SYT12: variants seen among roughly 807,000 people sequenced by gnomAD.
The protein encoded by SYT12 is synaptotagmin-12.
SYT12 carries 27 observed loss-of-function variants against 39.5 expected under a neutral mutation model. That is an observed-to-expected ratio of 0.68 (90% CI 0.50 to 0.94). The LOEUF is 0.94. SYT12 is among the 40% of genes least tolerant of loss of function. The pLI is 0.00. For missense variants in SYT12, 536 were observed against 572.6 expected (o/e 0.94, Z 0.65); for synonymous variants, 233 against 239.7 (o/e 0.97, Z 0.26).
intron 4 of SYT12, among the ~76,000 whole-genome samples, chr11:67,043,367 C>T (rs1231243741): frequency 1.3e-5 from 2 of 152,206 alleles, no homozygotes; most frequent in African/African-American, 4.8e-5. Context: ...CTTGAGGGTT[C>T]TGGGGTGCCA....
At chr11:67,009,344 A>G (rs1815333949) in intron 1 of SYT12, among the ~76,000 whole-genome samples, 1 of 151,860 alleles carries the variant, frequency 6.6e-6, no homozygotes, top group Non-Finnish European at 1.5e-5. Flanking sequence ...AAAAGGCTTG[A>G]GGGCAGTGGC....
At chr11:67,030,211 C>T (rs373999945) in intron 2 of SYT12, 33 bp downstream of exon 2, 182 of 1,613,156 alleles carry the variant, frequency 1.1e-4, no homozygotes, top group African/African-American at 3.5e-4. Context: ...TCCTGGATCA[C>T]GCCTGCGAGA....
intron 3 of SYT12, among the ~76,000 whole-genome samples, chr11:67,014,325 G>A (rs1038369761): frequency 1.3e-5 from 2 of 152,168 alleles, no homozygotes; most frequent in African/African-American, 4.8e-5. Flanking sequence ...ACATCCCATG[G>A]AAAGTGCTCA....
chr11:67,040,313 A>G, intron 4 of SYT12, 110 bp downstream of exon 4: 2 of 1,404,454 alleles, frequency 1.4e-6, no homozygotes, highest in South Asian at 2.8e-5. Context: ...GTAGAGTGCA[A>G]GTATGGATGC....
chr11:67,021,097 T>C (rs184241069), upstream of SYT12, among the ~76,000 whole-genome samples: 1 of 152,322 alleles, frequency 6.6e-6, no homozygotes, highest in African/African-American at 2.4e-5. Context: ...ATTGTGTCAC[T>C]ACACCACAAT....
At position 67,035,619 on chromosome 11, in the gene SYT12, A is replaced by G. The variant is rs760069170; in HGVS notation, c.228+781A>G. 2.5e-3 allele frequency among the ~76,000 whole-genome samples: 382 copies of G among 150,244 alleles called. 2 individuals are homozygous for G. The highest frequency in any genetic ancestry group is 0.01 in the South Asian group (48 of 4,774). On this transcript the variant is annotated intron_variant, in intron 3 of 7. Coordinates refer to ENST00000527043, the MANE Select transcript of SYT12 (RefSeq NM_177963.4). ...ACTACAGGCACCCGCCACCATGCCC[A>G]GCTAATTTTTTGTATTTTTAGTAGA...
Position 67,040,332 on chromosome 11 carries a change from G to A in SYT12, c.621+129G>A. 9.2e-6 allele frequency: 12 copies of A among 1,298,082 alleles called. No homozygotes were observed. In the South Asian group the frequency reaches 1.6e-4, roughly 18 times the overall value. 80.4% of individuals were successfully genotyped at this position (1,298,082 alleles called of 1,614,324 possible). A position where few individuals can be genotyped will look rare whatever the true frequency, so the allele number is the denominator to read the frequency against. ...AGTGCAAGTATGGATGCTGATCCCA[G>A]AGCTGAAGCTTCAGACTGTAGAGGG... On this transcript the variant is annotated intron_variant, in intron 4 of 7. Coordinates refer to ENST00000527043, the MANE Select transcript of SYT12 (RefSeq NM_177963.4).
intron 3 of SYT12, among the ~76,000 whole-genome samples, chr11:67,013,707 C>T (rs1421266766): frequency 2.6e-5 from 4 of 152,278 alleles, no homozygotes; most frequent in African/African-American, 9.6e-5. Context: ...CAGGGCCTCC[C>T]TGCCCTCCAC....
chr11:67,033,203 C>T (rs190764437), intron 2 of SYT12, among the ~76,000 whole-genome samples: 41 of 152,138 alleles, frequency 2.7e-4, no homozygotes, highest in Non-Finnish European at 5.3e-4. Context: ...CTATTCTTCC[C>T]GCTCTTGACT....
At chr11:67,040,381 G>A (rs568370213) in intron 4 of SYT12, among the ~76,000 whole-genome samples, 178 bp downstream of exon 4, 1 of 152,296 alleles carries the variant, frequency 6.6e-6, no homozygotes, top group South Asian at 2.1e-4. Flanking sequence ...GCTGGGAGGT[G>A]GGGGGCTCCA....
chr11:67,035,870 C>CT (rs780147675), intron 3 of SYT12, among the ~76,000 whole-genome samples: 11 of 129,808 alleles, frequency 8.5e-5, no homozygotes, highest in Non-Finnish European at 1.1e-4. Flanking sequence ...TTCTTTCTTT[C>CT]TTTCTTTCTT....
intron 3 of SYT12, among the ~76,000 whole-genome samples, chr11:67,017,516 C>T (rs1009615703): frequency 1.3e-5 from 2 of 151,956 alleles, no homozygotes; most frequent in Non-Finnish European, 2.9e-5. Context: ...CCTGCCACCA[C>T]GCCCGGCTAA....
intron 7 of SYT12, among the ~76,000 whole-genome samples, chr11:67,048,263 T>G (rs1590660252): frequency 7.0e-6 from 1 of 142,802 alleles, no homozygotes. Context: ...AGAGTGAGAC[T>G]GTCTCAAAAA....
At chr11:67,027,527 A>T (rs1950198299) in intron 1 of SYT12, 1 of 149,210 alleles carries the variant, frequency 6.7e-6, no homozygotes, top group African/African-American at 2.5e-5. Context: ...AAAAAAAAAG[A>T]AGGAACTTCT....
chr11:67,026,644 A>G (rs1950185183), intron 1 of SYT12: 1 of 151,868 alleles, frequency 6.6e-6, no homozygotes, highest in African/African-American at 2.4e-5. Flanking sequence ...CTCTCCCCGC[A>G]CACACACACA....
intron 1 of SYT12, among the ~76,000 whole-genome samples, chr11:67,024,023 G>C (rs1284002778): frequency 6.6e-6 from 1 of 152,108 alleles, no homozygotes; most frequent in African/African-American, 2.4e-5. Flanking sequence ...GGGTATGGCG[G>C]GGCAGGGGAG....
chr11:67,034,774 C>G lies in SYT12; in HGVS notation c.164C>G (p.Pro55Arg). 6.2e-7 allele frequency: 1 copy of G among 1,602,188 alleles called. No individual in the cohort carries two copies. Among genetic ancestry groups the G allele is most frequent in the African/African-American group, 1.3e-5 (1 of 74,118 alleles). ...AGCTTCCCCAGCCCCTCTCCGTTCC[C>G]CAATTACGACTACAGGTACCTTCAG... ...SGSFPSPSPFPNYDYRYLQQK... is the reference protein window; with the variant it reads ...SGSFPSPSPFRNYDYRYLQQK... The change falls in exon 3 of 8, where the codon CCC becomes CGC. Residue 55 changes from proline (P) to arginine (R), a missense_variant. Coordinates refer to ENST00000527043, the MANE Select transcript of SYT12 (RefSeq NM_177963.4).
chr11:67,035,829 C>CTTTCTTTCTTT (rs1565337351), intron 3 of SYT12, among the ~76,000 whole-genome samples: 12 of 99,858 alleles, frequency 1.2e-4, no homozygotes, highest in African/African-American at 4.2e-4. Context: ...TTCCTTCCTT[C>CTTTCTTTCTTT]CTTCCTTCCT....
At chr11:67,009,376 G>A (rs1359043858) in intron 1 of SYT12, among the ~76,000 whole-genome samples, 1 of 151,698 alleles carries the variant, frequency 6.6e-6, no homozygotes, top group Non-Finnish European at 1.5e-5. Context: ...TCTGCAACCT[G>A]TACCTCCCAG....
Sources: allele counts gnomAD v4.1 joint callset (sites outside exome capture counted in the v4.1 genomes callset), GRCh38; gene constraint gnomAD v4.1.1; transcripts MANE v1.5; gene names NCBI Gene and HGNC (gene_info 2026-07-23, HGNC 2026-07-21).